The following SHISA9 variants were observed in gnomAD, a reference collection of about 807,000 sequenced individuals.
SHISA9 encodes the protein shisa family member 9.
In SHISA9, 13 loss-of-function variants were observed where a neutral mutation model predicts 38.0. The observed-to-expected ratio is 0.34, with a 90% CI of 0.22 to 0.54. The LOEUF (loss-of-function observed/expected upper bound fraction) is 0.54. Ranked by LOEUF, SHISA9 falls within the 20% of genes least tolerant of loss-of-function variation. The probability of loss-of-function intolerance (pLI) is 0.91; values close to 1 mark genes in which losing one functional copy is unlikely to be tolerated. For synonymous variants in SHISA9, 275 were observed against 242.0 expected (o/e 1.14, Z -1.27); for missense variants, 538 against 575.8 (o/e 0.93, Z 0.67).
At chr16:13,198,546 C>T (rs2050972642) in intron 2 of SHISA9, among the ~76,000 whole-genome samples, 1 of 152,088 alleles carries the variant, frequency 6.6e-6, no homozygotes, top group Non-Finnish European at 1.5e-5. Flanking sequence ...TTCTAGTTTT[C>T]TTGGATTCCA....
the SHISA9 span, among the ~76,000 whole-genome samples, chr16:13,302,987 G>A: frequency 2.0e-5 from 3 of 152,174 alleles, no homozygotes; most frequent in Non-Finnish European, 2.9e-5. Flanking sequence ...CCAGCCATGC[G>A]AAACTGTGAG....
the SHISA9 span, among the ~76,000 whole-genome samples, chr16:13,453,558 A>T: frequency 6.6e-6 from 1 of 152,182 alleles, no homozygotes; most frequent in African/African-American, 2.4e-5. Context: ...GAACAAAGCC[A>T]AATTGCCCCA....
chr16:13,508,791 A>C, the SHISA9 span, among the ~76,000 whole-genome samples: 1 of 152,202 alleles, frequency 6.6e-6, no homozygotes, highest in Non-Finnish European at 1.5e-5. Flanking sequence ...GAAAGACATA[A>C]TTTCTCATTG....
the SHISA9 span, among the ~76,000 whole-genome samples, chr16:13,471,200 C>T: frequency 6.6e-6 from 1 of 152,088 alleles, no homozygotes; most frequent in African/African-American, 2.4e-5. Flanking sequence ...AAACACAACA[C>T]ACCCTTAATA....
the SHISA9 span, among the ~76,000 whole-genome samples, chr16:13,495,563 A>G: frequency 6.6e-6 from 1 of 152,070 alleles, no homozygotes; most frequent in South Asian, 2.1e-4. Context: ...ATATTCTTCT[A>G]TGTATTATTC....
chr16:13,287,842 T>C, the SHISA9 span, among the ~76,000 whole-genome samples: 1 of 152,300 alleles, frequency 6.6e-6, no homozygotes, highest in Non-Finnish European at 1.5e-5. Flanking sequence ...GGAGGCCTCC[T>C]AGAACTACTT....
At chr16:13,057,389 TG>T (rs959479906) in intron 2 of SHISA9, among the ~76,000 whole-genome samples, 2 of 152,268 alleles carry the variant, frequency 1.3e-5, no homozygotes, top group African/African-American at 4.8e-5. Flanking sequence ...CCTAATTGCC[TG>T]GGGGGTTTAT....
intron 2 of SHISA9, among the ~76,000 whole-genome samples, chr16:13,112,775 C>T (rs1275119748): frequency 6.6e-6 from 1 of 152,070 alleles, no homozygotes; most frequent in Non-Finnish European, 1.5e-5. Context: ...TAAAAGGCCC[C>T]TCTGGTTCAT....
chr16:12,919,476 C>G (rs934962613), intron 2 of SHISA9, among the ~76,000 whole-genome samples: 33 of 152,204 alleles, frequency 2.2e-4, no homozygotes, highest in African/African-American at 7.7e-4. Flanking sequence ...ATCACCCACT[C>G]AACATTGCTT....
intron 2 of SHISA9, among the ~76,000 whole-genome samples, chr16:13,117,627 G>C (rs1181204208): frequency 6.6e-6 from 1 of 152,212 alleles, no homozygotes; most frequent in East Asian, 1.9e-4. Context: ...CCACACGGCA[G>C]AGATCCTGGA....
the SHISA9 span, among the ~76,000 whole-genome samples, chr16:13,483,296 T>C: frequency 6.6e-6 from 1 of 152,240 alleles, no homozygotes; most frequent in Admixed American, 6.5e-5. Flanking sequence ...TTTTAAGGGA[T>C]GGTTTCATGA....
chr16:13,396,058 C>T, the SHISA9 span, among the ~76,000 whole-genome samples: 1 of 152,182 alleles, frequency 6.6e-6, no homozygotes, highest in Admixed American at 6.5e-5. Flanking sequence ...TTTTCATCTT[C>T]TGTGATCAAG....
At chr16:13,509,310 T>G in the SHISA9 span, among the ~76,000 whole-genome samples, 1 of 151,922 alleles carries the variant, frequency 6.6e-6, no homozygotes, top group Non-Finnish European at 1.5e-5. Flanking sequence ...ATAAGGCATA[T>G]TAAGAGTTAT....
At chr16:13,393,208 C>T in the SHISA9 span, among the ~76,000 whole-genome samples, 1 of 152,162 alleles carries the variant, frequency 6.6e-6, no homozygotes. Flanking sequence ...TTGAAATACC[C>T]CAAGCAGGGC....
the SHISA9 span, among the ~76,000 whole-genome samples, chr16:13,435,661 C>A: frequency 6.6e-6 from 1 of 152,182 alleles, no homozygotes; most frequent in Non-Finnish European, 1.5e-5. Context: ...TGTTATCAAG[C>A]CAGGTTCATT....
the SHISA9 span, among the ~76,000 whole-genome samples, chr16:13,272,275 T>G: frequency 6.6e-6 from 1 of 152,192 alleles, no homozygotes; most frequent in African/African-American, 2.4e-5. Flanking sequence ...GCCGACAGTT[T>G]CAAAGCAGTT....
chr16:12,985,247 A>T (rs1239893570), intron 2 of SHISA9, among the ~76,000 whole-genome samples: 1 of 138,588 alleles, frequency 7.2e-6, no homozygotes, highest in East Asian at 2.1e-4. Context: ...ATAAGTAAAT[A>T]AATAAATAAA....
At chr16:13,283,997 C>G in the SHISA9 span, among the ~76,000 whole-genome samples, 1 of 152,176 alleles carries the variant, frequency 6.6e-6, no homozygotes, top group African/African-American at 2.4e-5. Flanking sequence ...CCTGCATGGA[C>G]TTTTAGGGCA....
At chr16:13,422,988 G>A in the SHISA9 span, among the ~76,000 whole-genome samples, 1 of 152,182 alleles carries the variant, frequency 6.6e-6, no homozygotes, top group Admixed American at 6.5e-5. Context: ...TACAGAACTT[G>A]GATTCCTATC....
Sources: allele counts gnomAD v4.1 joint callset (sites outside exome capture counted in the v4.1 genomes callset), GRCh38; gene constraint gnomAD v4.1.1; transcripts MANE v1.5; gene names NCBI Gene and HGNC (gene_info 2026-07-23, HGNC 2026-07-21).